The following MOB3A variants were observed in gnomAD, a reference collection of about 807,000 sequenced individuals.
MOB3A encodes the protein MOB kinase activator 3A.
In MOB3A, 17 loss-of-function variants were observed where a neutral mutation model predicts 17.8. The observed-to-expected ratio is 0.95, with a 90% CI of 0.65 to 1.43. MOB3A has a LOEUF of 1.43. Ranked by LOEUF, MOB3A falls within the 40% of genes most tolerant of loss-of-function variation. The pLI is 0.00. For missense variants in MOB3A, 333 were observed against 310.8 expected, an observed-to-expected ratio of 1.07 and a Z score of -0.54; for synonymous variants, 124 against 133.2, an observed-to-expected ratio of 0.93 and a Z score of 0.48.
chr19:2,081,223 G>GA (rs1194486451), intron 2 of MOB3A, among the ~76,000 whole-genome samples: 2 of 152,184 alleles, frequency 1.3e-5, no homozygotes, highest in Non-Finnish European at 2.9e-5. Context: ...CCCCACCAGA[G>GA]AATGATCTGG....
intron 1 of MOB3A, chr19:2,090,221 A>C (rs1388842362): frequency 1.3e-5 from 2 of 151,882 alleles, no homozygotes; most frequent in East Asian, 3.9e-4. Context: ...GCGACTCCCC[A>C]CCCAGGTGTC....
intron 1 of MOB3A, among the ~76,000 whole-genome samples, chr19:2,091,690 A>G (rs1001049712): frequency 6.7e-6 from 1 of 149,830 alleles, no homozygotes; most frequent in Non-Finnish European, 1.5e-5. Context: ...AGGCTCTAAG[A>G]CCTTTTTTGT....
chr19:2,078,416 C>T lies in MOB3A; in HGVS notation c.145G>A (p.Val49Met), dbSNP rs145491125. 1.7e-5 allele frequency: 28 copies of T among 1,613,958 alleles called. 1 individual carries two copies. The highest frequency in any genetic ancestry group is 4.4e-5 in the South Asian group (4 of 91,070). Residue 49 changes from valine to methionine, a missense_variant, in exon 3 of 5, where the codon GTG (valine) becomes ATG (methionine). Transcript: ENST00000357066. The stretch of plus-strand genomic sequence containing the variant: ...AGGTCCTCGCCCGGGGGCAACTGCA[C>T]GGCCAGCCGCAGGTCCAGCCCGGCG... The part of the protein sequence containing the change: ...LNAGLDLRLA[V>M]QLPPGEDLND...
chr19:2,073,530 G>A, intron 4 of MOB3A, 106 bp from the exon 5 acceptor site: 1 of 1,486,088 alleles, frequency 6.7e-7, no homozygotes, highest in Non-Finnish European at 9.3e-7. Context: ...GCAGCTGGGG[G>A]CTTCCCTGAA....
chr19:2,083,563 G>A (rs886818404), intron 2 of MOB3A, among the ~76,000 whole-genome samples: 3 of 152,212 alleles, frequency 2.0e-5, no homozygotes, highest in African/African-American at 7.2e-5. Flanking sequence ...TGGGGCGAGT[G>A]CAGGCCCCAC....
At chr19:2,092,752 T>C (rs1599413671) in intron 1 of MOB3A, among the ~76,000 whole-genome samples, 2 of 26,864 alleles carry the variant, frequency 7.4e-5, no homozygotes, top group East Asian at 2.0e-3. Context: ...AAACTCCATC[T>C]CAAAAAAAAA....
intron 1 of MOB3A, among the ~76,000 whole-genome samples, chr19:2,090,703 G>A (rs998032522): frequency 6.6e-6 from 1 of 151,928 alleles, no homozygotes; most frequent in Non-Finnish European, 1.5e-5. Flanking sequence ...TCGCTCTGTT[G>A]CCCAGGCTGG....
At chr19:2,083,583 G>A (rs1419992029) in intron 2 of MOB3A, among the ~76,000 whole-genome samples, 1 of 152,212 alleles carries the variant, frequency 6.6e-6, no homozygotes, top group Non-Finnish European at 1.5e-5. Flanking sequence ...CTTTACCAAA[G>A]AGGAAACCGT....
At chr19:2,081,258 G>A (rs1035949230) in intron 2 of MOB3A, among the ~76,000 whole-genome samples, 19 of 152,172 alleles carry the variant, frequency 1.2e-4, no homozygotes, top group African/African-American at 4.6e-4. Context: ...AGGGCCTGGG[G>A]GTCGGGGGGA....
chr19:2,092,753 CAAAAAAAAAAA>C (rs745800527), intron 1 of MOB3A, among the ~76,000 whole-genome samples: 1 of 48,238 alleles, frequency 2.1e-5, no homozygotes, highest in African/African-American at 7.5e-5. Context: ...AACTCCATCT[CAAAAAAAAAAA>C]AAAAAAAAAA....
At chr19:2,081,042 G>A (rs1343036731) in intron 2 of MOB3A, among the ~76,000 whole-genome samples, 1 of 152,052 alleles carries the variant, frequency 6.6e-6, no homozygotes, top group Admixed American at 6.6e-5. Context: ...TGAGGTGGGA[G>A]GACTGTTTGA....
intron 2 of MOB3A, among the ~76,000 whole-genome samples, chr19:2,084,713 C>G (rs1279754171): frequency 2.0e-5 from 3 of 151,868 alleles, no homozygotes; most frequent in African/African-American, 7.3e-5. Flanking sequence ...GTCTCAGCCT[C>G]CTGAGTAGCT....
In MOB3A at chr19:2,073,573, C is replaced by T. The variant is rs1599400214; in HGVS notation, c.625-149G>A. ...ACAACAAAAACCACACAGGCAATGGCACACCTGAGACCAGGGGCAGCAGGC... is the reference window on the plus strand; with the variant it reads ...ACAACAAAAACCACACAGGCAATGGTACACCTGAGACCAGGGGCAGCAGGC... On this transcript the variant is annotated intron_variant, in intron 4 of 4. Transcript: ENST00000357066. 7 of 991,856 alleles carry T rather than the reference C, an allele frequency of 7.1e-6. 1 individual carries two copies. Among genetic ancestry groups the T allele is most frequent in the East Asian group, 4.8e-5 (2 of 41,422 alleles). 61.4% of individuals were successfully genotyped at this position (991,856 alleles called of 1,614,324 possible). A position where few individuals can be genotyped will look rare whatever the true frequency, so the allele number is the denominator to read the frequency against.
At chr19:2,079,186 G>A (rs553230874) in intron 2 of MOB3A, among the ~76,000 whole-genome samples, 7 of 152,364 alleles carry the variant, frequency 4.6e-5, no homozygotes, top group East Asian at 1.9e-4. Flanking sequence ...GCGCAGAGCC[G>A]GGCCCCAAGA....
At chr19:2,091,874 G>A (rs1262999389) in intron 1 of MOB3A, among the ~76,000 whole-genome samples, 6 of 150,060 alleles carry the variant, frequency 4.0e-5, no homozygotes, top group Non-Finnish European at 8.9e-5. Flanking sequence ...GCGGGCGCCT[G>A]TAATCCCAGC....
chr19:2,084,117 C>A, intron 2 of MOB3A: 1 of 499,234 alleles, frequency 2.0e-6, no homozygotes, highest in East Asian at 5.7e-5. Flanking sequence ...CTACCAGACT[C>A]ACACCAAGAC....
Position 2,077,788 on chromosome 19 carries a change from CTTTT to C in MOB3A, c.421+348_421+351del, listed in dbSNP as rs775160001. On this transcript the variant is annotated intron_variant, in intron 3 of 4. Transcript: ENST00000357066. ...TAGGAGAATACTCAGAAATGGAATC[CTTTT>C]TTTTTTTTTGAGACAGGGTCTTGCT... is the stretch of plus-strand genomic sequence containing the variant. Among the ~76,000 whole-genome samples, 137 of 144,460 alleles carry C rather than the reference CTTTT, an allele frequency of 9.5e-4. 1 individual carries two copies. Among genetic ancestry groups the C allele is most frequent in the African/African-American group, 3.2e-3 (126 of 39,644 alleles). The allele number at this position is 144,460 out of a possible 152,430, so 94.8% of individuals were successfully genotyped here. A position where few individuals can be genotyped will look rare whatever the true frequency, so the allele number is the denominator to read the frequency against.
chr19:2,078,737 G>T (rs978454581), intron 2 of MOB3A, 58 bp from the exon 3 acceptor site: 1 of 603,458 alleles, frequency 1.7e-6, no homozygotes, highest in Non-Finnish European at 2.8e-6. Context: ...CCGGAAACTC[G>T]TGCTGAGGGC....
intron 4 of MOB3A, among the ~76,000 whole-genome samples, chr19:2,075,888 C>G (rs937334522): frequency 1.3e-5 from 2 of 151,828 alleles, no homozygotes; most frequent in East Asian, 3.9e-4. Flanking sequence ...TTTGGGAGGC[C>G]GAGACAGGGA....
Sources: gnomAD v4.1 joint callset for allele counts (sites outside exome capture counted in the v4.1 genomes callset) on GRCh38, gnomAD v4.1.1 for gene constraint, MANE v1.5 for transcripts, NCBI Gene and HGNC (gene_info 2026-07-23, HGNC 2026-07-21) for gene names.